The following CPED1 variants were observed in gnomAD, a reference collection of about 807,000 sequenced individuals.
CPED1 encodes cadherin-like and PC-esterase domain-containing protein 1.
Under a neutral mutation model 128.2 loss-of-function variants are expected in CPED1, and 114 were observed. The observed-to-expected ratio is 0.89, with a 90% CI of 0.76 to 1.04. CPED1 has a LOEUF of 1.04. CPED1 is among the 50% of genes least tolerant of loss of function. The probability of loss-of-function intolerance (pLI) is 0.00; values close to 1 mark genes in which losing one functional copy is unlikely to be tolerated. For missense variants in CPED1, 1,211 were observed against 1,207.1 expected (o/e 1.00, Z -0.05); for synonymous variants, 462 against 426.7 (o/e 1.08, Z -1.02).
intron 22 of CPED1, among the ~76,000 whole-genome samples, chr7:121,273,742 G>A (rs1792277362): frequency 6.6e-6 from 1 of 152,144 alleles, no homozygotes; most frequent in Non-Finnish European, 1.5e-5. Context: ...GGATCATGCT[G>A]TTGCAGAACA....
intron 16 of CPED1, among the ~76,000 whole-genome samples, chr7:121,211,086 C>G (rs927238563): frequency 2.0e-5 from 3 of 151,998 alleles, no homozygotes; most frequent in Non-Finnish European, 4.4e-5. Flanking sequence ...AAACGTATGA[C>G]CTTTCTAAGA....
At chr7:120,997,796 C>T (rs1169453007) in intron 2 of CPED1, among the ~76,000 whole-genome samples, 1 of 151,908 alleles carries the variant, frequency 6.6e-6, no homozygotes, top group Non-Finnish European at 1.5e-5. Context: ...GTGGCGGGCA[C>T]CTGTAATTCC....
At chr7:121,054,391 C>A (rs1793439294) in intron 4 of CPED1, among the ~76,000 whole-genome samples, 1 of 152,138 alleles carries the variant, frequency 6.6e-6, no homozygotes, top group Middle Eastern at 3.2e-3. Context: ...TATTGTTTAA[C>A]CCTAGCATAC....
chr7:121,133,222 G>A (rs1046335007), intron 12 of CPED1, among the ~76,000 whole-genome samples: 1 of 151,948 alleles, frequency 6.6e-6, no homozygotes. Context: ...TTTTCTGTCT[G>A]CAATTTAAAT....
chr7:121,045,548 T>C (rs925916457), intron 3 of CPED1, among the ~76,000 whole-genome samples: 1 of 152,206 alleles, frequency 6.6e-6, no homozygotes, highest in African/African-American at 2.4e-5. Flanking sequence ...TTGGAAATAT[T>C]ATGCTTGTCA....
chr7:121,097,916 G>A, intron 6 of CPED1, 85 bp downstream of exon 6: 2 of 1,312,794 alleles, frequency 1.5e-6, no homozygotes, highest in South Asian at 1.6e-5. Context: ...AGATATGGGG[G>A]GTTCACATGT....
intron 8 of CPED1, among the ~76,000 whole-genome samples, chr7:121,125,426 C>T (rs1007525147): frequency 3.3e-5 from 5 of 152,104 alleles, no homozygotes; most frequent in Non-Finnish European, 7.4e-5. Flanking sequence ...GCCCTGCATG[C>T]GTTAGGTATT....
intron 16 of CPED1, among the ~76,000 whole-genome samples, chr7:121,149,960 C>T (rs1007316037): frequency 5.3e-5 from 8 of 152,240 alleles, no homozygotes; most frequent in Admixed American, 4.6e-4. Flanking sequence ...TTCCCCATTT[C>T]TCAAGCCAAA....
chr7:120,994,730 G>A (rs1385022596), intron 2 of CPED1, among the ~76,000 whole-genome samples: 2 of 151,792 alleles, frequency 1.3e-5, no homozygotes, highest in African/African-American at 4.8e-5. Context: ...GGGTCTAGAT[G>A]TTGGAAATGT....
At chr7:121,187,413 A>G (rs557422791) in intron 16 of CPED1, among the ~76,000 whole-genome samples, 1 of 152,326 alleles carries the variant, frequency 6.6e-6, no homozygotes, top group East Asian at 1.9e-4. Flanking sequence ...CAAAAACAAA[A>G]CAGAAAGACC....
At chr7:121,253,178 T>A (rs1187864766) in intron 18 of CPED1, among the ~76,000 whole-genome samples, 1 of 151,808 alleles carries the variant, frequency 6.6e-6, no homozygotes, top group Non-Finnish European at 1.5e-5. Context: ...TGGATGAAGC[T>A]GGAAACCATC....
intron 17 of CPED1, among the ~76,000 whole-genome samples, chr7:121,239,511 C>T (rs1798338771): frequency 1.3e-5 from 2 of 152,062 alleles, no homozygotes; most frequent in Admixed American, 6.6e-5. Flanking sequence ...GAAAATATTT[C>T]AGATTGCATT....
At chr7:121,123,105 T>G (rs771416973) in intron 7 of CPED1, among the ~76,000 whole-genome samples, 3 of 152,242 alleles carry the variant, frequency 2.0e-5, no homozygotes, top group Non-Finnish European at 4.4e-5. Flanking sequence ...AGCAATAATT[T>G]GTTTTCTTTC....
chr7:121,263,196 A>C (rs1268706254), intron 18 of CPED1, among the ~76,000 whole-genome samples: 1 of 152,080 alleles, frequency 6.6e-6, no homozygotes, highest in Non-Finnish European at 1.5e-5. Flanking sequence ...CCATTCTGAG[A>C]GCATTGGTTT....
At chr7:121,175,128 C>T (rs1796745527) in intron 16 of CPED1, among the ~76,000 whole-genome samples, 1 of 151,962 alleles carries the variant, frequency 6.6e-6, no homozygotes. Context: ...GGGCTACGAC[C>T]GTGGGGTTTT....
At chr7:121,200,396 G>A (rs150564251) in intron 16 of CPED1, among the ~76,000 whole-genome samples, 134 of 152,144 alleles carry the variant, frequency 8.8e-4, no homozygotes, top group Non-Finnish European at 1.7e-3. Context: ...TTAATTGGTC[G>A]TGAAATTGTT....
At chr7:121,074,186 T>C (rs1226491324) in intron 5 of CPED1, among the ~76,000 whole-genome samples, 1 of 137,946 alleles carries the variant, frequency 7.2e-6, no homozygotes, top group Non-Finnish European at 1.6e-5. Flanking sequence ...GCTCATGGGG[T>C]TCTGTGTGAT....
chr7:121,098,751 TATAA>T (rs200425163), intron 6 of CPED1, among the ~76,000 whole-genome samples: 42,925 of 96,556 alleles, frequency 0.44, 7,799 homozygotes, highest in Middle Eastern at 0.55. Flanking sequence ...TATAAAAATA[TATAA>T]AAATATATAT....
intron 4 of CPED1, among the ~76,000 whole-genome samples, chr7:121,049,968 T>C (rs1231374808): frequency 6.6e-6 from 1 of 152,232 alleles, no homozygotes; most frequent in Non-Finnish European, 1.5e-5. Context: ...TGTGGCCAAA[T>C]ATGTTCATAG....
Sources: allele counts gnomAD v4.1 joint callset (sites outside exome capture counted in the v4.1 genomes callset), GRCh38; gene constraint gnomAD v4.1.1; transcripts MANE v1.5; gene names NCBI Gene and HGNC (gene_info 2026-07-23, HGNC 2026-07-21).